The following NUDT9 variants were observed in gnomAD, a reference collection of about 807,000 sequenced individuals.
NUDT9 encodes the protein ADP-ribose pyrophosphatase.
NUDT9 carries 31 observed loss-of-function variants against 41.0 expected under a neutral mutation model. That is an observed-to-expected ratio of 0.76 (90% CI 0.57 to 1.02). The LOEUF (loss-of-function observed/expected upper bound fraction) is 1.02. NUDT9 is among the 50% of genes least tolerant of loss of function. NUDT9 has a pLI of 0.00. For missense variants in NUDT9, 380 were observed against 431.4 expected, an observed-to-expected ratio of 0.88 and a Z score of 1.06; for synonymous variants, 146 against 147.6, an observed-to-expected ratio of 0.99 and a Z score of 0.08.
At chr4:87,445,841 C>T (rs1167612886) in intron 4 of NUDT9, among the ~76,000 whole-genome samples, 2 of 152,136 alleles carry the variant, frequency 1.3e-5, no homozygotes, top group East Asian at 3.9e-4. Flanking sequence ...TGCTTAAAAT[C>T]CATACATTTG....
Position 87,454,516 on chromosome 4 carries a change from T to C in NUDT9, c.874+61T>C, listed in dbSNP as rs1722903883. Reference sequence around the variant, plus strand: ...GGATCAATTTAAGCCATTAGCCCACTAAGGCATGATTAAATCTGGACTATT... The same window carrying C: ...GGATCAATTTAAGCCATTAGCCCACCAAGGCATGATTAAATCTGGACTATT... On this transcript the variant is annotated intron_variant, in intron 7 of 7. Coordinates refer to ENST00000302174, the MANE Select transcript of NUDT9 (RefSeq NM_024047.5). 2.9e-6 allele frequency: 3 copies of C among 1,022,890 alleles called. No individual in the cohort carries two copies. The South Asian group carries it at 3.8e-5, about 13-fold the overall frequency. The allele number at this position is 1,022,890 out of a possible 1,614,324, so 63.4% of individuals were successfully genotyped here.
intron 1 of NUDT9, among the ~76,000 whole-genome samples, chr4:87,424,825 A>G (rs56253808): frequency 0.099 from 15,084 of 152,164 alleles, 2,474 homozygotes; most frequent in African/African-American, 0.34. Flanking sequence ...AAGTTGCTTG[A>G]CAGTTATTCT....
chr4:87,438,160 C>G, intron 2 of NUDT9, 117 bp from the exon 3 acceptor site: 1 of 471,770 alleles, frequency 2.1e-6, no homozygotes, highest in Non-Finnish European at 3.7e-6. Context: ...AAAACTAACC[C>G]TTAAAAATTT....
At chr4:87,445,745 ATTAG>A (rs1041544909) in intron 4 of NUDT9, among the ~76,000 whole-genome samples, 9 of 152,320 alleles carry the variant, frequency 5.9e-5, no homozygotes, top group East Asian at 1.9e-4. Context: ...AAAATGATGT[ATTAG>A]TTCTGTTAGA....
intron 4 of NUDT9, among the ~76,000 whole-genome samples, 178 bp from the exon 5 acceptor site, chr4:87,448,964 T>TGATGAATATA (rs1449788640): frequency 6.6e-6 from 1 of 152,184 alleles, no homozygotes; most frequent in Non-Finnish European, 1.5e-5. Context: ...TTTGTAACAG[T>TGATGAATATA]GATGAATATA....
At chr4:87,443,722 C>T (rs61556224) in intron 4 of NUDT9, among the ~76,000 whole-genome samples, 1 of 152,234 alleles carries the variant, frequency 6.6e-6, no homozygotes, top group East Asian at 1.9e-4. Context: ...AGGGAGACAG[C>T]AGGAAGCCTA....
chr4:87,446,957 A>G (rs375762898), intron 4 of NUDT9, among the ~76,000 whole-genome samples: 4 of 152,302 alleles, frequency 2.6e-5, no homozygotes, highest in East Asian at 3.9e-4. Context: ...CCAGACCAAC[A>G]TACATGCTTT....
At chr4:87,438,187 T>C in intron 2 of NUDT9, 90 bp from the exon 3 acceptor site, 1 of 624,930 alleles carries the variant, frequency 1.6e-6, no homozygotes, top group Non-Finnish European at 2.8e-6. Context: ...TCAGGAATAC[T>C]TCTTATGGAT....
At chr4:87,425,732 G>A (rs201212454) in intron 1 of NUDT9, among the ~76,000 whole-genome samples, 173 of 120,888 alleles carry the variant, frequency 1.4e-3, no homozygotes, top group Middle Eastern at 8.7e-3. Flanking sequence ...AAAAAAAAAA[G>A]AATTTTACCA....
In NUDT9 at chr4:87,458,181, A is replaced by T. The variant is rs1723073048; in HGVS notation, c.*160A>T. On this transcript the variant is annotated 3_prime_UTR_variant, in exon 8 of 8. Transcript: ENST00000302174. Reference sequence around the variant, plus strand: ...GAGTGTTTCGCATCAGAATAACATGAGTAAGATGAACTGGAACACAAAATT... The same window carrying T: ...GAGTGTTTCGCATCAGAATAACATGTGTAAGATGAACTGGAACACAAAATT... 9.8e-6 allele frequency: 5 copies of T among 511,624 alleles called. No homozygotes were observed. The South Asian group carries it at 3.8e-4, about 39-fold the overall frequency. The allele number at this position is 511,624 out of a possible 1,614,324, so 31.7% of individuals were successfully genotyped here.
At chr4:87,437,886 ACAT>A (rs1722024487) in intron 2 of NUDT9, among the ~76,000 whole-genome samples, 1 of 152,202 alleles carries the variant, frequency 6.6e-6, no homozygotes, top group African/African-American at 2.4e-5. Flanking sequence ...AATAGTAGAA[ACAT>A]CATCAGAAGG....
At chr4:87,445,835 TA>T (rs1157195209) in intron 4 of NUDT9, among the ~76,000 whole-genome samples, 2 of 152,276 alleles carry the variant, frequency 1.3e-5, no homozygotes, top group East Asian at 3.9e-4. Context: ...CTACTCTGCT[TA>T]AAATCCATAC....
chr4:87,451,819 C>T, intron 6 of NUDT9, 84 bp downstream of exon 6: 2 of 1,150,356 alleles, frequency 1.7e-6, no homozygotes, highest in Non-Finnish European at 2.5e-6. Context: ...TCTGTATGTC[C>T]TTCTCTAAAT....
At chr4:87,450,038 A>C (rs13124614) in intron 5 of NUDT9, among the ~76,000 whole-genome samples, 51,402 of 151,628 alleles carry the variant, frequency 0.34, 9,124 homozygotes, top group East Asian at 0.47. Flanking sequence ...TAATTTTTGT[A>C]ATTTTAGTAG....
chr4:87,449,072 T>C, intron 4 of NUDT9, 70 bp from the exon 5 acceptor site: 2 of 858,320 alleles, frequency 2.3e-6, no homozygotes, highest in South Asian at 2.9e-5. Flanking sequence ...CTTGTAACTT[T>C]ATCTCAAGTT....
At chr4:87,444,703 T>C (rs1722369541) in intron 4 of NUDT9, among the ~76,000 whole-genome samples, 2 of 152,230 alleles carry the variant, frequency 1.3e-5, no homozygotes, top group Admixed American at 6.5e-5. Context: ...AGCTTATCTT[T>C]ATCTATGGTG....
At chr4:87,447,695 A>G (rs537298075) in intron 4 of NUDT9, among the ~76,000 whole-genome samples, 2 of 152,298 alleles carry the variant, frequency 1.3e-5, no homozygotes, top group African/African-American at 4.8e-5. Flanking sequence ...TTTAAAATAT[A>G]AAATAAAAGG....
chr4:87,423,940 C>A (rs1256147473), intron 1 of NUDT9, among the ~76,000 whole-genome samples: 2 of 152,196 alleles, frequency 1.3e-5, no homozygotes, highest in East Asian at 3.8e-4. Context: ...GGAGCAACTT[C>A]TCTGCTGAGT....
chr4:87,435,906 AAAT>A (rs1397407803), intron 2 of NUDT9, among the ~76,000 whole-genome samples: 7 of 152,336 alleles, frequency 4.6e-5, no homozygotes, highest in Admixed American at 1.3e-4. Flanking sequence ...AAGCCATTTA[AAAT>A]AATCTTACAT....
Sources: gnomAD v4.1 joint callset for allele counts (sites outside exome capture counted in the v4.1 genomes callset) on GRCh38, gnomAD v4.1.1 for gene constraint, MANE v1.5 for transcripts, NCBI Gene and HGNC (gene_info 2026-07-23, HGNC 2026-07-21) for gene names.